Variants in RAD51B observed in about 807,000 individuals in gnomAD.
RAD51B encodes DNA repair protein RAD51 homolog 2.
Under a neutral mutation model 42.2 loss-of-function variants are expected in RAD51B, and 38 were observed. The observed-to-expected ratio is 0.90, with a 90% CI of 0.70 to 1.18. The LOEUF is 1.18. RAD51B is among the 50% of genes most tolerant of loss of function. The probability of loss-of-function intolerance (pLI) is 0.00; values close to 1 mark genes in which losing one functional copy is unlikely to be tolerated. For synonymous variants in RAD51B, 154 were observed against 145.2 expected, an observed-to-expected ratio of 1.06 and a Z score of -0.43; for missense variants, 373 against 400.7, an observed-to-expected ratio of 0.93 and a Z score of 0.59.
At chr14:68,248,257 A>G (rs1416604871) in intron 7 of RAD51B, among the ~76,000 whole-genome samples, 1 of 152,120 alleles carries the variant, frequency 6.6e-6, no homozygotes, top group African/African-American at 2.4e-5. Context: ...AGTTTGTATT[A>G]TTGTATTCAT....
intron 7 of RAD51B, among the ~76,000 whole-genome samples, chr14:68,099,477 A>G (rs1317041385): frequency 6.6e-6 from 1 of 152,168 alleles, no homozygotes; most frequent in African/African-American, 2.4e-5. Flanking sequence ...ATAATTTTGG[A>G]TCCTGTTCCT....
At chr14:68,547,637 C>G (rs960529908) in intron 10 of RAD51B, among the ~76,000 whole-genome samples, 8 of 152,234 alleles carry the variant, frequency 5.3e-5, no homozygotes, top group African/African-American at 1.9e-4. Context: ...CTCTTTCCCT[C>G]TCTCTGTTGT....
intron 5 of RAD51B, among the ~76,000 whole-genome samples, chr14:67,871,801 GTAATC>G (rs1193739899): frequency 6.6e-6 from 1 of 152,102 alleles, no homozygotes; most frequent in Non-Finnish European, 1.5e-5. Flanking sequence ...ATCAATAAAT[GTAATC>G]CAGCATATAA....
At chr14:68,672,607 T>C (rs896814883) in intron 11 of RAD51B, among the ~76,000 whole-genome samples, 4 of 152,222 alleles carry the variant, frequency 2.6e-5, no homozygotes, top group Non-Finnish European at 4.4e-5. Flanking sequence ...GGTGGGAACC[T>C]AAAACTTGGC....
At chr14:68,428,739 A>AATTAT (rs2084920200) in intron 9 of RAD51B, among the ~76,000 whole-genome samples, 11 of 64,930 alleles carry the variant, frequency 1.7e-4, no homozygotes, top group African/African-American at 4.4e-4. Flanking sequence ...ATATATATAT[A>AATTAT]TATATATATA....
intron 7 of RAD51B, among the ~76,000 whole-genome samples, chr14:68,284,340 A>C (rs1345627944): frequency 3.9e-5 from 6 of 152,210 alleles, no homozygotes; most frequent in Non-Finnish European, 8.8e-5. Flanking sequence ...TGAGTACAGC[A>C]CTCATCCTAA....
chr14:67,875,367 G>T lies in RAD51B; in HGVS notation c.452+10228G>T, dbSNP rs999869040. On this transcript the variant is annotated intron_variant, in intron 5 of 10. Transcript: ENST00000471583. ...ATTTGGTGTGCATGTCACCTCTCAG[G>T]GTGCCAAGTTCCCCACAGATAGTTA... Among the ~76,000 whole-genome samples, 5 of 152,070 alleles carry T rather than the reference G, an allele frequency of 3.3e-5. 1 individual carries two copies. The highest frequency in any genetic ancestry group is 2.6e-4 in the Admixed American group (4 of 15,258).
At chr14:68,571,531 C>T (rs1257788627) in intron 10 of RAD51B, among the ~76,000 whole-genome samples, 1 of 152,232 alleles carries the variant, frequency 6.6e-6, no homozygotes, top group Admixed American at 6.5e-5. Flanking sequence ...TCTTCCATTG[C>T]CACTTCTCCC....
intron 8 of RAD51B, among the ~76,000 whole-genome samples, chr14:68,331,145 T>G (rs1014225693): frequency 6.6e-6 from 1 of 151,848 alleles, no homozygotes; most frequent in Non-Finnish European, 1.5e-5. Flanking sequence ...GGGTAGATCA[T>G]GAGGTCAGGA....
chr14:68,046,068 C>G (rs2076294739), intron 7 of RAD51B, among the ~76,000 whole-genome samples: 1 of 152,100 alleles, frequency 6.6e-6, no homozygotes, highest in African/African-American at 2.4e-5. Flanking sequence ...GAGGAAGGTT[C>G]TATGAAGTAG....
chr14:67,931,964 ATTT>A lies in RAD51B; in HGVS notation c.756+44763_756+44765del, dbSNP rs145925532. 6.4e-4 allele frequency among the ~76,000 whole-genome samples: 95 copies of A among 148,940 alleles called. 2 individuals carry two copies. The East Asian group carries it at 0.014, about 22-fold the overall frequency. On this transcript the variant is annotated intron_variant, in intron 7 of 10. Coordinates refer to ENST00000471583, the MANE Select transcript of RAD51B (RefSeq NM_133510.4). ...GCTTCTTCAAATTTTTTATTTTTTT[ATTT>A]TTAACTTTTCTTCAACTTTTGTTTT...
chr14:68,027,762 A>G (rs1395814339), intron 7 of RAD51B, among the ~76,000 whole-genome samples: 2 of 152,094 alleles, frequency 1.3e-5, no homozygotes, highest in Non-Finnish European at 1.5e-5. Flanking sequence ...TCCTTGGTTG[A>G]GGTTTCAACT....
At chr14:68,541,204 G>C (rs774947430) in intron 10 of RAD51B, 18 of 985,296 alleles carry the variant, frequency 1.8e-5, no homozygotes, top group Non-Finnish European at 2.0e-5. Context: ...TCCTTTCTCT[G>C]CTCAGCTCCG....
chr14:68,261,449 A>G (rs996137982), intron 7 of RAD51B, among the ~76,000 whole-genome samples: 1 of 152,252 alleles, frequency 6.6e-6, no homozygotes, highest in African/African-American at 2.4e-5. Flanking sequence ...ACAGAAGAGT[A>G]GCATCAGCAC....
At chr14:68,575,304 A>C (rs10438158) in intron 10 of RAD51B, among the ~76,000 whole-genome samples, 1,859 of 152,276 alleles carry the variant, frequency 0.012, 40 homozygotes, top group African/African-American at 0.042. Flanking sequence ...ATAGCTTCTA[A>C]ATGGTAGGGC....
intron 8 of RAD51B, among the ~76,000 whole-genome samples, chr14:68,360,662 C>T (rs1057134637): frequency 6.6e-6 from 1 of 152,246 alleles, no homozygotes; most frequent in Non-Finnish European, 1.5e-5. Context: ...TACCTTTCCT[C>T]ACTCATCATG....
intron 7 of RAD51B, among the ~76,000 whole-genome samples, chr14:67,905,369 T>C (rs1665035312): frequency 6.6e-6 from 1 of 152,104 alleles, no homozygotes; most frequent in African/African-American, 2.4e-5. Flanking sequence ...TCTGGCTGTG[T>C]TATAATATTT....
chr14:68,472,484 A>G (rs2086151052), intron 10 of RAD51B, among the ~76,000 whole-genome samples: 1 of 152,280 alleles, frequency 6.6e-6, no homozygotes, highest in Middle Eastern at 3.4e-3. Flanking sequence ...GTCCAGGGGA[A>G]TGAAGGGTTG....
chr14:68,571,912 G>A (rs181484524), intron 10 of RAD51B, among the ~76,000 whole-genome samples: 6 of 152,282 alleles, frequency 3.9e-5, no homozygotes, highest in Admixed American at 6.5e-5. Context: ...GTGAGCAGCC[G>A]CTAAGGGGAA....
Sources: allele counts gnomAD v4.1 joint callset (sites outside exome capture counted in the v4.1 genomes callset), GRCh38; gene constraint gnomAD v4.1.1; transcripts MANE v1.5; gene names NCBI Gene and HGNC (gene_info 2026-07-23, HGNC 2026-07-21).